The following CLASP2 variants were observed in gnomAD, a reference collection of about 807,000 sequenced individuals.
The protein encoded by CLASP2 is cytoplasmic linker associated protein 2, also known as CLIP-associating protein 2.
CLASP2 carries 47 observed loss-of-function variants against 194.4 expected under a neutral mutation model. That is an observed-to-expected ratio of 0.24 (90% confidence interval 0.19 to 0.31). CLASP2 has a LOEUF of 0.31. Ranked by LOEUF, CLASP2 falls within the 10% of genes least tolerant of loss-of-function variation. The pLI, the probability that CLASP2 is intolerant of heterozygous loss-of-function variation, is 1.00. For missense variants in CLASP2, 1,445 were observed against 1,823.6 expected (o/e 0.79, Z 3.78); for synonymous variants, 619 against 633.5 (o/e 0.98, Z 0.34).
chr3:33,498,798 T>A (rs145157243), intron 38 of CLASP2, 81 bp from the exon 39 acceptor site: 2 of 695,950 alleles, frequency 2.9e-6, no homozygotes, highest in Non-Finnish European at 2.4e-6. Context: ...TATATACATA[T>A]ATGTGAGCTC....
chr3:33,687,291 A>G (rs2090800898), intron 4 of CLASP2, among the ~76,000 whole-genome samples, 156 bp from the exon 5 acceptor site: 1 of 151,080 alleles, frequency 6.6e-6, no homozygotes, highest in Non-Finnish European at 1.5e-5. Flanking sequence ...CATAAGCAAA[A>G]AATAATTCTA....
chr3:33,630,494 C>G (rs925651977), intron 9 of CLASP2, among the ~76,000 whole-genome samples: 16 of 151,876 alleles, frequency 1.1e-4, no homozygotes, highest in African/African-American at 3.6e-4. Flanking sequence ...GCACAATAAA[C>G]TTATTATCAA....
intron 1 of CLASP2, among the ~76,000 whole-genome samples, chr3:33,714,570 C>T (rs950871244): frequency 6.6e-6 from 1 of 152,158 alleles, no homozygotes. Flanking sequence ...CCCAATCCAC[C>T]AGGAGCTCCT....
intron 7 of CLASP2, among the ~76,000 whole-genome samples, chr3:33,658,738 C>T (rs1415131180): frequency 6.6e-6 from 1 of 152,078 alleles, no homozygotes; most frequent in Non-Finnish European, 1.5e-5. Flanking sequence ...GCTTGGGTTG[C>T]AAGGTAAATT....
intron 17 of CLASP2, among the ~76,000 whole-genome samples, chr3:33,603,346 C>G (rs1468833355): frequency 6.6e-6 from 1 of 152,166 alleles, no homozygotes; most frequent in Non-Finnish European, 1.5e-5. Flanking sequence ...CCTTATTTCT[C>G]TCCCATAAAA....
rs1276432221 is a variant in CLASP2, at chr3:33,658,954, G to A, written c.715+4491C>T. On this transcript the variant is annotated intron_variant, in intron 7 of 38. Transcript: ENST00000682230. ...GAAGTGTATAACACAAGCAAAAGAAGAAAAATAAATCTTACTCACCATCTC... is the reference window on the plus strand; with the variant it reads ...GAAGTGTATAACACAAGCAAAAGAAAAAAAATAAATCTTACTCACCATCTC... The A allele has an allele frequency of 5.2e-6, 8 of 1,530,202 alleles. No individual in the cohort carries two copies. The East Asian group carries it at 1.7e-4, about 33-fold the overall frequency. 94.8% of individuals were successfully genotyped at this position (1,530,202 alleles called of 1,614,324 possible).
intron 23 of CLASP2, among the ~76,000 whole-genome samples, chr3:33,577,808 AC>A (rs1288811572): frequency 2.6e-5 from 4 of 152,114 alleles, no homozygotes; most frequent in African/African-American, 9.7e-5. Context: ...TACAAAAGAG[AC>A]CCCAGAAAGC....
At chr3:33,531,593 T>C (rs1343542263) in intron 34 of CLASP2, among the ~76,000 whole-genome samples, 1 of 152,110 alleles carries the variant, frequency 6.6e-6, no homozygotes, top group African/African-American at 2.4e-5. Flanking sequence ...CTGACCAACA[T>C]GGACAAACCC....
chr3:33,585,871 T>C (rs572722030), intron 21 of CLASP2, among the ~76,000 whole-genome samples: 1 of 152,318 alleles, frequency 6.6e-6, no homozygotes, highest in Admixed American at 6.5e-5. Context: ...ATAATCTGTT[T>C]CATTTTAAAA....
chr3:33,512,629 C>T (rs2050204617), intron 36 of CLASP2, among the ~76,000 whole-genome samples: 1 of 140,534 alleles, frequency 7.1e-6, no homozygotes, highest in Non-Finnish European at 1.5e-5. Context: ...TTGGCAGTCT[C>T]TCACTTAAGA....
In CLASP2 at chr3:33,656,932, T is replaced by C. The variant is rs540867888; in HGVS notation, c.715+6513A>G. On this transcript the variant is annotated intron_variant, in intron 7 of 38. Transcript: ENST00000682230. ...AAGCAAAACCATATACTTTGATATT[T>C]AGTATGTATGTAAAGGCACAGTAAC... 6.6e-5 allele frequency among the ~76,000 whole-genome samples: 10 copies of C among 152,260 alleles called. No homozygotes were observed. In the South Asian group the frequency reaches 1.9e-3, roughly 28 times the overall value.
At chr3:33,521,434 G>A (rs2053050269) in intron 34 of CLASP2, among the ~76,000 whole-genome samples, 1 of 152,140 alleles carries the variant, frequency 6.6e-6, no homozygotes, top group African/African-American at 2.4e-5. Context: ...TTACTAGATA[G>A]GGTGCAATGA....
chr3:33,579,100 T>G (rs1311196669), intron 23 of CLASP2, among the ~76,000 whole-genome samples: 1 of 152,228 alleles, frequency 6.6e-6, no homozygotes, highest in African/African-American at 2.4e-5. Context: ...CAAACAGGGC[T>G]AATCTGCTGC....
intron 12 of CLASP2, among the ~76,000 whole-genome samples, chr3:33,617,512 CTG>C (rs1246187608): frequency 1.3e-5 from 2 of 152,012 alleles, no homozygotes; most frequent in East Asian, 3.9e-4. Flanking sequence ...TTTTGTGTAA[CTG>C]TGAAATTGGG....
intron 22 of CLASP2, among the ~76,000 whole-genome samples, chr3:33,583,959 T>C (rs780296699): frequency 8.5e-5 from 13 of 152,152 alleles, no homozygotes; most frequent in Non-Finnish European, 1.6e-4. Flanking sequence ...ATCATAGCAA[T>C]GTTAATTAGT....
chr3:33,701,098 A>G (rs1027910334), intron 1 of CLASP2, among the ~76,000 whole-genome samples: 1 of 152,230 alleles, frequency 6.6e-6, no homozygotes, highest in Admixed American at 6.5e-5. Context: ...GAATTGGACA[A>G]CTTAATATTA....
chr3:33,618,356 G>T (rs2076557496), intron 12 of CLASP2, among the ~76,000 whole-genome samples: 1 of 152,110 alleles, frequency 6.6e-6, no homozygotes, highest in South Asian at 2.1e-4. Context: ...AGTTTAAAAA[G>T]AAGCTAGGCT....
chr3:33,673,177 A>G (rs2087724691), intron 6 of CLASP2, among the ~76,000 whole-genome samples: 2 of 152,220 alleles, frequency 1.3e-5, no homozygotes, highest in South Asian at 4.1e-4. Flanking sequence ...AAAAAATGTT[A>G]AGGGCAGCCA....
intron 24 of CLASP2, among the ~76,000 whole-genome samples, chr3:33,575,492 T>C (rs533974386): frequency 6.6e-6 from 1 of 152,234 alleles, no homozygotes; most frequent in East Asian, 1.9e-4. Flanking sequence ...ATAGGATTAA[T>C]ATCATAATCT....
Sources: gnomAD v4.1 joint callset for allele counts (sites outside exome capture counted in the v4.1 genomes callset) on GRCh38, gnomAD v4.1.1 for gene constraint, MANE v1.5 for transcripts, NCBI Gene and HGNC (gene_info 2026-07-23, HGNC 2026-07-21) for gene names.